Variants in RHBDL2 observed in about 807,000 individuals in gnomAD.
The protein encoded by RHBDL2 is rhomboid like 2, also known as rhomboid-related protein 2.
RHBDL2 carries 26 observed loss-of-function variants against 31.7 expected under a neutral mutation model. The observed-to-expected ratio is 0.82, with a 90% CI of 0.60 to 1.14. The LOEUF (loss-of-function observed/expected upper bound fraction) is 1.14, where lower values mean the gene tolerates loss of function less well. RHBDL2 is among the 50% of genes most tolerant of loss of function. The pLI, the probability that RHBDL2 is intolerant of heterozygous loss-of-function variation, is 0.00. For missense variants in RHBDL2, 336 were observed against 364.4 expected (o/e 0.92, Z 0.63); for synonymous variants, 123 against 127.2 (o/e 0.97, Z 0.22).
At chr1:38,919,517 A>C in intron 1 of RHBDL2, 180 bp from the exon 2 acceptor site, 1 of 329,074 alleles carries the variant, frequency 3.0e-6, no homozygotes, top group Non-Finnish European at 5.2e-6. Context: ...TAAATTCTCC[A>C]AGCCTCAAAT....
At chr1:38,940,396 A>G (rs1337580654) in intron 1 of RHBDL2, among the ~76,000 whole-genome samples, 1 of 151,660 alleles carries the variant, frequency 6.6e-6, no homozygotes, top group Non-Finnish European at 1.5e-5. Context: ...TTTTAAAGAC[A>G]AGGCCTCACT....
chr1:38,925,826 C>G, intron 1 of RHBDL2: 1 of 464,554 alleles, frequency 2.2e-6, no homozygotes, highest in South Asian at 3.2e-5. Flanking sequence ...TGCATGCAAA[C>G]TACATAAAGG....
Position 38,886,391 on chromosome 1 carries a change from A to G in RHBDL2, c.*113T>C. 1.3e-6 allele frequency: 1 copy of G among 740,814 alleles called. No individual in the cohort carries two copies. Among genetic ancestry groups the G allele is most frequent in the Non-Finnish European group, 2.0e-6 (1 of 489,412 alleles). 45.9% of individuals were successfully genotyped at this position (740,814 alleles called of 1,614,324 possible). A position where few individuals can be genotyped will look rare whatever the true frequency, so the allele number is the denominator to read the frequency against. On this transcript the variant is annotated 3_prime_UTR_variant, in exon 8 of 8. Coordinates refer to ENST00000372990, the MANE Select transcript of RHBDL2 (RefSeq NM_017821.5). ...TGAGTTTAATGCTGTTTTGTCCTCT[A>G]TATAAAATTGTTAGCCTTTTCTGAG...
chr1:38,930,304 C>T (rs1643426683), intron 1 of RHBDL2, among the ~76,000 whole-genome samples: 2 of 152,196 alleles, frequency 1.3e-5, no homozygotes, highest in South Asian at 4.1e-4. Flanking sequence ...CCCGTCTGCT[C>T]TGTGAAGACC....
chr1:38,889,045 A>G (rs1248283909), intron 6 of RHBDL2, among the ~76,000 whole-genome samples: 2 of 152,102 alleles, frequency 1.3e-5, no homozygotes, highest in African/African-American at 4.8e-5. Flanking sequence ...ACCTTTACTG[A>G]GTGATAGGAA....
At chr1:38,928,171 T>C (rs1460130048) in intron 1 of RHBDL2, among the ~76,000 whole-genome samples, 1 of 147,670 alleles carries the variant, frequency 6.8e-6, no homozygotes, top group East Asian at 2.0e-4. Flanking sequence ...AGACGGAGTC[T>C]CGCTTTGTCG....
intron 1 of RHBDL2, among the ~76,000 whole-genome samples, chr1:38,922,435 AT>A (rs1202970326): frequency 6.1e-5 from 4 of 65,084 alleles, no homozygotes; most frequent in East Asian, 3.5e-4. Context: ...ATACCCAGCT[AT>A]TTTTTTTTTC....
chr1:38,931,178 T>A (rs930039608), intron 1 of RHBDL2, among the ~76,000 whole-genome samples: 1 of 152,188 alleles, frequency 6.6e-6, no homozygotes, highest in African/African-American at 2.4e-5. Flanking sequence ...ACTGAAAACT[T>A]CTGCCCTAGA....
At position 38,886,364 on chromosome 1, in the gene RHBDL2, G is replaced by T; in HGVS notation, c.*140C>A. 2.0e-6 allele frequency: 1 copy of T among 500,052 alleles called. No homozygotes were observed. Among genetic ancestry groups the T allele is most frequent in the Non-Finnish European group, 3.3e-6 (1 of 306,068 alleles). 31.0% of individuals were successfully genotyped at this position (500,052 alleles called of 1,614,324 possible). ...CCTTTTATAGGCAATCTTTGCAACT[G>T]ATGAGTTTAATGCTGTTTTGTCCTC... On this transcript the variant is annotated 3_prime_UTR_variant, in exon 8 of 8. Transcript: ENST00000372990.
At chr1:38,929,345 G>A (rs182146321) in intron 1 of RHBDL2, 31 of 1,240,344 alleles carry the variant, frequency 2.5e-5, no homozygotes, top group Admixed American at 6.9e-5. Flanking sequence ...CGTCCAGGAC[G>A]GGAAAAGGAT....
chr1:38,892,550 T>C (rs576392423), intron 6 of RHBDL2, among the ~76,000 whole-genome samples: 2 of 152,344 alleles, frequency 1.3e-5, no homozygotes, highest in South Asian at 4.1e-4. Context: ...TTCTGCTTAG[T>C]GCTGTGAAGT....
chr1:38,888,252 A>G (rs999937030), intron 6 of RHBDL2, among the ~76,000 whole-genome samples: 5 of 151,164 alleles, frequency 3.3e-5, no homozygotes, highest in Non-Finnish European at 7.4e-5. Context: ...ACAAGCATTC[A>G]TTGTCCTCTA....
chr1:38,890,076 C>T (rs1482062226), intron 6 of RHBDL2, among the ~76,000 whole-genome samples: 2 of 149,682 alleles, frequency 1.3e-5, no homozygotes, highest in East Asian at 1.9e-4. Flanking sequence ...CTCACTCTGT[C>T]GCCTAGGCTG....
chr1:38,930,711 T>G (rs1643430333), intron 1 of RHBDL2, among the ~76,000 whole-genome samples: 1 of 152,210 alleles, frequency 6.6e-6, no homozygotes, highest in Non-Finnish European at 1.5e-5. Context: ...AGGAAAACAG[T>G]GACCCTGAGC....
chr1:38,905,782 C>T (rs936266316), intron 4 of RHBDL2, among the ~76,000 whole-genome samples: 1 of 147,764 alleles, frequency 6.8e-6, no homozygotes, highest in Non-Finnish European at 1.5e-5. Context: ...GGCGCAGTGG[C>T]TCAGGCCAGG....
chr1:38,895,360 G>A (rs539580689), intron 5 of RHBDL2, among the ~76,000 whole-genome samples: 56 of 151,840 alleles, frequency 3.7e-4, no homozygotes, highest in Non-Finnish European at 5.0e-4. Context: ...AATAAAAAGG[G>A]CTGAAAAAAA....
intron 5 of RHBDL2, among the ~76,000 whole-genome samples, chr1:38,893,816 T>C (rs931102787): frequency 1.3e-5 from 2 of 152,110 alleles, no homozygotes; most frequent in African/African-American, 4.8e-5. Context: ...TATAGCTCAC[T>C]GCAGCCTCGA....
At chr1:38,934,652 CTG>C (rs1250073086) in intron 1 of RHBDL2, among the ~76,000 whole-genome samples, 11 of 67,420 alleles carry the variant, frequency 1.6e-4, no homozygotes, top group Non-Finnish European at 2.9e-4. Context: ...CAGAGCAAGA[CTG>C]TCTCAAAAAA....
intron 1 of RHBDL2, among the ~76,000 whole-genome samples, chr1:38,937,097 G>A (rs1331153669): frequency 2.6e-5 from 4 of 151,618 alleles, no homozygotes; most frequent in African/African-American, 7.3e-5. Context: ...ACAGGCACCC[G>A]CCACCACACC....
Sources: gnomAD v4.1 joint callset for allele counts (sites outside exome capture counted in the v4.1 genomes callset) on GRCh38, gnomAD v4.1.1 for gene constraint, MANE v1.5 for transcripts, NCBI Gene and HGNC (gene_info 2026-07-23, HGNC 2026-07-21) for gene names.